KDM1B: variants seen among roughly 807,000 people sequenced by gnomAD.
KDM1B encodes the protein lysine-specific histone demethylase 2.
A neutral mutation model predicts 107.4 loss-of-function variants in KDM1B; 63 were observed. The observed-to-expected ratio is 0.59, with a 90% confidence interval of 0.48 to 0.72. The LOEUF (loss-of-function observed/expected upper bound fraction) is 0.72, where lower values mean the gene tolerates loss of function less well. KDM1B is among the 30% of genes least tolerant of loss of function. The probability of loss-of-function intolerance (pLI) is 0.00; values close to 1 mark genes in which losing one functional copy is unlikely to be tolerated. For missense variants in KDM1B, 749 were observed against 1,020.8 expected, an observed-to-expected ratio of 0.73 and a Z score of 3.63; for synonymous variants, 363 against 363.9, an observed-to-expected ratio of 1.00 and a Z score of 0.03.
At chr6:18,198,655 A>AC (rs1470667952) in intron 12 of KDM1B, among the ~76,000 whole-genome samples, 2 of 147,638 alleles carry the variant, frequency 1.4e-5, no homozygotes, top group East Asian at 2.0e-4. Context: ...AAAAAAAAAA[A>AC]AACAAAACGC....
At chr6:18,221,140 T>G (rs904681373) in intron 21 of KDM1B, among the ~76,000 whole-genome samples, 1 of 152,164 alleles carries the variant, frequency 6.6e-6, no homozygotes, top group African/African-American at 2.4e-5. Flanking sequence ...CCCCATTCAT[T>G]GAAGCCTTTG....
In KDM1B at chr6:18,186,522, A is replaced by G. The variant is rs1308492274; in HGVS notation, c.573+712A>G. On this transcript the variant is annotated intron_variant, in intron 8 of 21. Transcript: ENST00000650836. This position sits in a 1 kb window ranked among gnomAD's most constrained non-coding sequence, Gnocchi z 5.6. ...CGATAGCTTTTCAGGCAAAGACAGC[A>G]TTGACTTTTAGCAAATCTACTTTAA... Among the ~76,000 whole-genome samples the G allele has an allele frequency of 4.6e-5, 7 of 152,184 alleles. No individual in the cohort carries two copies. In the East Asian group the frequency reaches 1.3e-3, roughly 29 times the overall value.
At chr6:18,208,104 C>G (rs1788511465) in intron 16 of KDM1B, 28 bp from the exon 17 acceptor site, 2 of 1,580,100 alleles carry the variant, frequency 1.3e-6, no homozygotes, top group Non-Finnish European at 1.7e-6. Flanking sequence ...CCATCCCTCA[C>G]TTTTTTTCAT....
chr6:18,158,246 C>T (rs367925032), intron 2 of KDM1B, among the ~76,000 whole-genome samples: 2 of 146,544 alleles, frequency 1.4e-5, no homozygotes, highest in Admixed American at 7.1e-5. Context: ...GTGTTCACAG[C>T]TAACATAATA....
At chr6:18,165,903 C>T (rs1785266978) in intron 5 of KDM1B, among the ~76,000 whole-genome samples, 1 of 152,088 alleles carries the variant, frequency 6.6e-6, no homozygotes, top group African/African-American at 2.4e-5. Flanking sequence ...GCAGAAGGAT[C>T]GCTTGAGCTT....
rs1267855210 is a variant in KDM1B at position 18,209,856 on chromosome 6, T to C, written c.1866+1650T>C. On this transcript the variant is annotated intron_variant, in intron 17 of 21. Transcript: ENST00000650836. The surrounding 1 kb of genome is among the most constrained non-coding windows in gnomAD (Gnocchi z 4.3). ...GTCTGCAGTGACCTTTTCTGTAAGC[T>C]CTTAATAGGTTTTGCCTGGTGGTAA... is the stretch of plus-strand genomic sequence containing the variant. 6.6e-6 allele frequency among the ~76,000 whole-genome samples: 1 copy of C among 152,184 alleles called. No individual in the cohort carries two copies. Among genetic ancestry groups the C allele is most frequent in the African/African-American group, 2.4e-5 (1 of 41,440 alleles).
chr6:18,197,329 C>A lies in KDM1B; in HGVS notation c.1146+96C>A. ...AATATAGTAAAAGCCACATTATCAC[C>A]ATAAAACTTAACAGAAGCAAGGCTT... On this transcript the variant is annotated intron_variant, in intron 11 of 21. Coordinates refer to ENST00000650836, the MANE Select transcript of KDM1B (RefSeq NM_001364614.2). This position sits in a 1 kb window ranked among gnomAD's most constrained non-coding sequence, Gnocchi z 4.5. 1 of 1,170,258 alleles carries A rather than the reference C, an allele frequency of 8.5e-7. No individual in the cohort carries two copies. Among genetic ancestry groups the A allele is most frequent in the Non-Finnish European group, 1.2e-6 (1 of 834,078 alleles). 72.5% of individuals were successfully genotyped at this position (1,170,258 alleles called of 1,614,324 possible).
Position 18,200,540 on chromosome 6 carries a change from G to C in KDM1B, c.1323G>C (p.Gly441=). Residue 441 remains glycine, a synonymous_variant, in exon 13 of 22, where the codon GGG becomes GGC. Coordinates refer to ENST00000650836, the MANE Select transcript of KDM1B (RefSeq NM_001364614.2). This position sits in a 1 kb window ranked among gnomAD's most constrained non-coding sequence, Gnocchi z 4.3. ...GAAGAGGAGCTCAGATTGTCAATGG[G>C]TGTATTAACAACCCAGTAGCATTAA... is the stretch of plus-strand genomic sequence containing the variant. ...TVGRGAQIVN[G]CINNPVALMC... 6.2e-7 allele frequency: 1 copy of C among 1,613,902 alleles called. No individual in the cohort carries two copies. The highest frequency in any genetic ancestry group is 8.5e-7 in the Non-Finnish European group (1 of 1,179,830).
At position 18,166,571 on chromosome 6, in the gene KDM1B, T is replaced by G. The variant is rs912528; in HGVS notation, c.417+193T>G. ...TATAAAAGAGGAAACTAGGCTGGGT[T>G]TGGTGGCTCATACTTGTAATCCTAG... On this transcript the variant is annotated intron_variant, in intron 6 of 21. Transcript: ENST00000650836. Among the ~76,000 whole-genome samples the G allele has an allele frequency of 0.91, 138,281 of 152,316 alleles. 62,858 individuals are homozygous for G. The highest frequency in any genetic ancestry group is 0.93 in the African/African-American group (38,742 of 41,586).
intron 6 of KDM1B, among the ~76,000 whole-genome samples, chr6:18,169,156 G>A (rs975511502): frequency 1.3e-5 from 2 of 151,906 alleles, no homozygotes; most frequent in Non-Finnish European, 2.9e-5. Flanking sequence ...ACAGATGTGA[G>A]CCACCTCGCC....
intron 7 of KDM1B, among the ~76,000 whole-genome samples, chr6:18,182,333 A>G (rs931394857): frequency 6.6e-6 from 1 of 152,096 alleles, no homozygotes; most frequent in Non-Finnish European, 1.5e-5. Context: ...AATTTAAATT[A>G]TATATATTGA....
intron 10 of KDM1B, among the ~76,000 whole-genome samples, chr6:18,192,895 A>G (rs1382630787): frequency 6.6e-6 from 1 of 152,084 alleles, no homozygotes; most frequent in Admixed American, 6.6e-5. Context: ...ATAAGATACA[A>G]TTTATTGTGT....
In KDM1B at chr6:18,207,396, A is replaced by G. The variant is rs1306499997; in HGVS notation, c.1660-2A>G. The G allele has an allele frequency of 6.2e-7, 1 of 1,613,940 alleles. No individual in the cohort carries two copies. Reference sequence around the variant, plus strand: ...GTGTCCCCAACCTCTCTTGTTTCCCAGGTATCTGCTCGCTCGTGGGACCAC... The same window carrying G: ...GTGTCCCCAACCTCTCTTGTTTCCCGGGTATCTGCTCGCTCGTGGGACCAC... On this transcript the variant is annotated splice_acceptor_variant, in intron 15 of 21. Transcript: ENST00000650836. LOFTEE classifies it high-confidence loss of function.
rs1461462089 is a variant in KDM1B at position 18,159,663 on chromosome 6, T to C, written c.-13-220T>C. ...GGTGACGTGCACCTGTATTCCCAAC[T>C]ACTTGGAGCTGAGGTGGGAGAATCG... On this transcript the variant is annotated intron_variant, in intron 2 of 21. Transcript: ENST00000650836. The surrounding 1 kb of genome is among the most constrained non-coding windows in gnomAD (Gnocchi z 4.5). Among the ~76,000 whole-genome samples the C allele has an allele frequency of 6.6e-6, 1 of 152,176 alleles. No homozygotes were observed. Among genetic ancestry groups the C allele is most frequent in the Non-Finnish European group, 1.5e-5 (1 of 68,036 alleles).
intron 9 of KDM1B, among the ~76,000 whole-genome samples, chr6:18,188,211 C>A (rs1475339061): frequency 6.6e-6 from 1 of 152,122 alleles, no homozygotes; most frequent in Non-Finnish European, 1.5e-5. Flanking sequence ...ATAGCGAGAT[C>A]TCGTCTCTAA....
At chr6:18,195,801 T>A (rs1291913781) in intron 10 of KDM1B, among the ~76,000 whole-genome samples, 2 of 151,798 alleles carry the variant, frequency 1.3e-5, no homozygotes, top group Non-Finnish European at 2.9e-5. Context: ...CTAATTAACG[T>A]ATGCCTTACA....
chr6:18,196,974 T>C, intron 10 of KDM1B, 83 bp from the exon 11 acceptor site: 1 of 1,285,070 alleles, frequency 7.8e-7, no homozygotes, highest in Non-Finnish European at 1.1e-6. Flanking sequence ...TTACTTGTCT[T>C]TTAAATGGAT....
chr6:18,217,940 C>T, intron 21 of KDM1B, 55 bp downstream of exon 21: 1 of 1,566,570 alleles, frequency 6.4e-7, no homozygotes, highest in Non-Finnish European at 8.7e-7. Flanking sequence ...TGTCTTTCAT[C>T]TAAAATGATA....
intron 15 of KDM1B, among the ~76,000 whole-genome samples, chr6:18,206,802 C>T (rs180957575): frequency 3.9e-5 from 6 of 152,250 alleles, no homozygotes; most frequent in Admixed American, 1.3e-4. Flanking sequence ...GTCGGAAACA[C>T]TGCTCTCGAG....
Sources: gnomAD v4.1 joint callset for allele counts (sites outside exome capture counted in the v4.1 genomes callset) on GRCh38, gnomAD v4.1.1 for gene constraint, Gnocchi (gnomAD v3.1) non-coding constraint, MANE v1.5 for transcripts, NCBI Gene and HGNC (gene_info 2026-07-23, HGNC 2026-07-21) for gene names.